The following NTM variants were observed in gnomAD, a reference collection of about 807,000 sequenced individuals.
NTM encodes neurotrimin, also known as IgLON family member 2.
NTM carries 13 observed loss-of-function variants against 42.1 expected under a neutral mutation model. The observed-to-expected ratio is 0.31, with a 90% CI of 0.20 to 0.49. NTM has a LOEUF of 0.49. Ranked by LOEUF, NTM falls within the 20% of genes least tolerant of loss-of-function variation. The pLI, the probability that NTM is intolerant of heterozygous loss-of-function variation, is 0.99. For missense variants in NTM, 373 were observed against 452.8 expected, an observed-to-expected ratio of 0.82 and a Z score of 1.60; for synonymous variants, 187 against 179.2, an observed-to-expected ratio of 1.04 and a Z score of -0.35.
At chr11:132,229,400 A>T (rs908464132) in intron 4 of NTM, among the ~76,000 whole-genome samples, 1 of 152,208 alleles carries the variant, frequency 6.6e-6, no homozygotes, top group African/African-American at 2.4e-5. Context: ...ATTCTGTTTC[A>T]ATACTAACAA....
chr11:132,172,242 G>T (rs539985216), intron 3 of NTM, among the ~76,000 whole-genome samples: 3 of 152,070 alleles, frequency 2.0e-5, no homozygotes, highest in Non-Finnish European at 4.4e-5. Context: ...TCAGAAACTT[G>T]GTAAAAATAC....
rs532786005 is a variant in NTM, at chr11:131,857,286, T to C, written c.83-54278T>C. Reference sequence around the variant, plus strand: ...TATGCATCCTCTTCTAAAATTATACTATACCCCTGAGCTATTTGATTCCCT... The same window carrying C: ...TATGCATCCTCTTCTAAAATTATACCATACCCCTGAGCTATTTGATTCCCT... On this transcript the variant is annotated intron_variant, in intron 1 of 8. Coordinates refer to ENST00000683400, the MANE Select transcript of NTM (RefSeq NM_001352005.2). 2.8e-4 allele frequency among the ~76,000 whole-genome samples: 42 copies of C among 152,296 alleles called. 1 individual carries two copies. The Middle Eastern group carries it at 0.01, about 37-fold the overall frequency.
chr11:131,440,180 G>A (rs1325185113), intron 1 of NTM, among the ~76,000 whole-genome samples: 1 of 151,816 alleles, frequency 6.6e-6, no homozygotes, highest in Admixed American at 6.6e-5. Context: ...TAAAATTAAT[G>A]TTCCTTAAAA....
At chr11:131,448,839 T>C (rs1950263730) in intron 1 of NTM, among the ~76,000 whole-genome samples, 2 of 152,196 alleles carry the variant, frequency 1.3e-5, no homozygotes, top group South Asian at 4.1e-4. Flanking sequence ...TTCCAGTGGC[T>C]TTCGACTTCA....
intron 1 of NTM, among the ~76,000 whole-genome samples, chr11:131,575,320 C>T (rs1278640591): frequency 6.6e-6 from 1 of 152,156 alleles, no homozygotes; most frequent in African/African-American, 2.4e-5. Context: ...CACATTAAAC[C>T]TTTCTTCCAA....
chr11:131,658,954 A>G (rs1460407308), intron 1 of NTM, among the ~76,000 whole-genome samples: 1 of 152,216 alleles, frequency 6.6e-6, no homozygotes, highest in Non-Finnish European at 1.5e-5. Context: ...CCTGGGTGAC[A>G]GAGCGAGACT....
intron 2 of NTM, among the ~76,000 whole-genome samples, chr11:132,096,901 G>C (rs1566149221): frequency 6.6e-6 from 1 of 152,334 alleles, no homozygotes; most frequent in East Asian, 1.9e-4. Flanking sequence ...GGCCCTGGGA[G>C]TGTACAGTCT....
At chr11:131,892,278 T>C (rs1194262894) in intron 1 of NTM, among the ~76,000 whole-genome samples, 1 of 152,230 alleles carries the variant, frequency 6.6e-6, no homozygotes, top group Non-Finnish European at 1.5e-5. Flanking sequence ...CATTACATGA[T>C]AAAGTATAAT....
chr11:132,147,308 C>G (rs537865003), intron 3 of NTM, among the ~76,000 whole-genome samples: 2 of 151,898 alleles, frequency 1.3e-5, no homozygotes, highest in African/African-American at 2.4e-5. Flanking sequence ...AAGGCAGAAC[C>G]AGTCCTGGGG....
At chr11:131,985,945 C>G (rs557357556) in intron 2 of NTM, among the ~76,000 whole-genome samples, 7 of 152,270 alleles carry the variant, frequency 4.6e-5, no homozygotes, top group Non-Finnish European at 1.0e-4. Context: ...TCACCTCCCT[C>G]CGCCCTCTAG....
intron 4 of NTM, among the ~76,000 whole-genome samples, chr11:132,238,631 A>G (rs2089573872): frequency 6.6e-6 from 1 of 152,216 alleles, no homozygotes; most frequent in African/African-American, 2.4e-5. Flanking sequence ...CTGAGCTCAT[A>G]GCAGCCTGCG....
chr11:131,677,937 G>A (rs1465480837), intron 1 of NTM, among the ~76,000 whole-genome samples: 2 of 152,154 alleles, frequency 1.3e-5, no homozygotes, highest in African/African-American at 4.8e-5. Flanking sequence ...ATTTGAATCT[G>A]CAAGTGATCA....
intron 1 of NTM, among the ~76,000 whole-genome samples, chr11:131,563,356 G>T (rs1243650599): frequency 6.6e-6 from 1 of 152,100 alleles, no homozygotes; most frequent in East Asian, 1.9e-4. Flanking sequence ...ATTTGTCAAG[G>T]ACGGCACTCT....
intron 1 of NTM, among the ~76,000 whole-genome samples, chr11:131,486,378 T>C (rs1307928507): frequency 2.6e-5 from 4 of 152,176 alleles, no homozygotes; most frequent in South Asian, 2.1e-4. Flanking sequence ...TGTAGGTTCA[T>C]TGTGCTGCTT....
At chr11:131,739,828 A>G (rs1486943384) in intron 1 of NTM, among the ~76,000 whole-genome samples, 1 of 152,194 alleles carries the variant, frequency 6.6e-6, no homozygotes, top group East Asian at 1.9e-4. Context: ...TCGCTCTTCA[A>G]ATGCAGACAG....
intron 1 of NTM, among the ~76,000 whole-genome samples, chr11:131,777,569 G>A (rs770858303): frequency 6.6e-5 from 10 of 150,898 alleles, no homozygotes; most frequent in Non-Finnish European, 1.0e-4. Context: ...CTAATTCTGC[G>A]TTCTTGTTTC....
intron 1 of NTM, among the ~76,000 whole-genome samples, chr11:131,415,032 C>G (rs777354604): frequency 6.6e-5 from 10 of 152,168 alleles, no homozygotes; most frequent in Non-Finnish European, 1.2e-4. Context: ...AGGCAAAAGC[C>G]AGGTCAGATT....
intron 2 of NTM, among the ~76,000 whole-genome samples, chr11:131,959,550 C>G (rs1330225061): frequency 6.6e-6 from 1 of 152,164 alleles, no homozygotes; most frequent in Non-Finnish European, 1.5e-5. Flanking sequence ...GTGGGAGGAT[C>G]ACTTGATCCC....
chr11:131,685,927 G>A (rs1272836737), intron 1 of NTM, among the ~76,000 whole-genome samples: 1 of 152,194 alleles, frequency 6.6e-6, no homozygotes, highest in Non-Finnish European at 1.5e-5. Context: ...CCACAGCCTT[G>A]TCCTACATAA....
Sources: gnomAD v4.1 joint callset for allele counts (sites outside exome capture counted in the v4.1 genomes callset) on GRCh38, gnomAD v4.1.1 for gene constraint, MANE v1.5 for transcripts, NCBI Gene and HGNC (gene_info 2026-07-23, HGNC 2026-07-21) for gene names.